The following KCNIP4 variants were observed in gnomAD, a reference collection of about 807,000 sequenced individuals.
The protein encoded by KCNIP4 is Kv channel-interacting protein 4.
A neutral mutation model predicts 34.0 loss-of-function variants in KCNIP4; 12 were observed. That is an observed-to-expected ratio of 0.35 (90% CI 0.23 to 0.57). The LOEUF (loss-of-function observed/expected upper bound fraction) is 0.57. KCNIP4 is among the 20% of genes least tolerant of loss of function. The pLI, the probability that KCNIP4 is intolerant of heterozygous loss-of-function variation, is 0.83. For synonymous variants in KCNIP4, 124 were observed against 102.2 expected (o/e 1.21, Z -1.29); for missense variants, 238 against 311.7 (o/e 0.76, Z 1.78).
intron 1 of KCNIP4, chr4:21,763,137 A>G: frequency 1.6e-6 from 2 of 1,275,776 alleles, no homozygotes; most frequent in South Asian, 2.5e-5. Flanking sequence ...TAATTCCTTC[A>G]CTGTGGTTGA....
intron 1 of KCNIP4, among the ~76,000 whole-genome samples, chr4:21,690,647 T>C (rs113440234): frequency 9.2e-5 from 14 of 152,188 alleles, no homozygotes; most frequent in Non-Finnish European, 1.5e-4. Context: ...GAACCGTATG[T>C]CAAGTAAATA....
At chr4:20,805,128 CA>C (rs561644441) in intron 3 of KCNIP4, among the ~76,000 whole-genome samples, 94 of 144,384 alleles carry the variant, frequency 6.5e-4, no homozygotes, top group Non-Finnish European at 1.1e-3. Flanking sequence ...AGAATGTAGG[CA>C]AAAGGAAGTT....
intron 1 of KCNIP4, among the ~76,000 whole-genome samples, chr4:21,319,795 G>A (rs1002301813): frequency 1.3e-5 from 2 of 151,986 alleles, no homozygotes; most frequent in African/African-American, 4.8e-5. Context: ...AATCCTTTAG[G>A]GTGTGTTTTT....
chr4:21,893,752 A>C (rs1386612100), intron 1 of KCNIP4, among the ~76,000 whole-genome samples: 1 of 152,138 alleles, frequency 6.6e-6, no homozygotes, highest in East Asian at 1.9e-4. Context: ...TATGTAGCCC[A>C]GTTGTGGAGA....
At chr4:21,940,103 G>C (rs1730119961) in intron 1 of KCNIP4, among the ~76,000 whole-genome samples, 3 of 151,942 alleles carry the variant, frequency 2.0e-5, no homozygotes, top group Admixed American at 6.6e-5. Context: ...TTATGAAAAA[G>C]GTACATTTCT....
chr4:21,380,011 C>A (rs1268444464), intron 1 of KCNIP4, among the ~76,000 whole-genome samples: 1 of 152,034 alleles, frequency 6.6e-6, no homozygotes, highest in Non-Finnish European at 1.5e-5. Context: ...GAGGAATTTT[C>A]TTACATATGT....
chr4:21,612,197 A>C (rs574538526), intron 1 of KCNIP4, among the ~76,000 whole-genome samples: 1 of 152,270 alleles, frequency 6.6e-6, no homozygotes, highest in East Asian at 1.9e-4. Flanking sequence ...TTTTAGGCTG[A>C]AATTGGTTGT....
In KCNIP4 at chr4:21,528,820, G is replaced by A. The variant is rs867835032; in HGVS notation, c.61+419751C>T. Reference sequence around the variant, plus strand: ...GGAAGAAAGGAAGGAAGGAAGGAAGGAAGGAAGGAAGGAAGGAAGGAAGGA... The same window carrying A: ...GGAAGAAAGGAAGGAAGGAAGGAAGAAAGGAAGGAAGGAAGGAAGGAAGGA... On this transcript the variant is annotated intron_variant, in intron 1 of 8. Transcript: ENST00000382152. Among the ~76,000 whole-genome samples the A allele has an allele frequency of 2.9e-5, 3 of 102,560 alleles. 1 individual carries two copies. The highest frequency in any genetic ancestry group is 6.5e-5 in the Non-Finnish European group (3 of 46,008). The allele number at this position is 102,560 out of a possible 152,430, so 67.3% of individuals were successfully genotyped here. A position where few individuals can be genotyped will look rare whatever the true frequency, so the allele number is the denominator to read the frequency against.
At position 21,423,665 on chromosome 4, in the gene KCNIP4, AT is replaced by A. The variant is rs534754396; in HGVS notation, c.61+524905del. On this transcript the variant is annotated intron_variant, in intron 1 of 8. Transcript: ENST00000382152. ...CATGTCACAAAGTTCAATCCAACTG[AT>A]TTTTTTTAATTTCACAGAATTTTAA... is the stretch of plus-strand genomic sequence containing the variant. Among the ~76,000 whole-genome samples the A allele has an allele frequency of 3.3e-5, 5 of 152,074 alleles. No individual in the cohort carries two copies. The South Asian group carries it at 6.2e-4, about 19-fold the overall frequency.
intron 1 of KCNIP4, among the ~76,000 whole-genome samples, chr4:21,698,433 T>C (rs1712571677): frequency 6.6e-6 from 1 of 152,180 alleles, no homozygotes; most frequent in Non-Finnish European, 1.5e-5. Context: ...ACCATCTCCC[T>C]ACCAATCAAC....
chr4:21,906,329 T>C (rs1475011690), intron 1 of KCNIP4, among the ~76,000 whole-genome samples: 2 of 152,130 alleles, frequency 1.3e-5, no homozygotes, highest in Non-Finnish European at 2.9e-5. Context: ...AAAGTGTCCT[T>C]GTCTAAGACA....
intron 8 of KCNIP4, chr4:20,731,625 G>T: frequency 1.0e-6 from 1 of 985,188 alleles, no homozygotes; most frequent in Non-Finnish European, 1.2e-6. Flanking sequence ...GCCATACTTG[G>T]CTATCTAGGA....
chr4:21,393,844 A>T (rs1722753792), intron 1 of KCNIP4, among the ~76,000 whole-genome samples: 1 of 152,002 alleles, frequency 6.6e-6, no homozygotes, highest in African/African-American at 2.4e-5. Context: ...GGTAAACTTA[A>T]AAGACACCTT....
intron 3 of KCNIP4, among the ~76,000 whole-genome samples, chr4:20,764,097 C>T (rs1326629178): frequency 6.6e-6 from 1 of 152,076 alleles, no homozygotes; most frequent in Admixed American, 6.6e-5. Flanking sequence ...CTGCAAGCTT[C>T]TACTAACCCT....
At chr4:21,732,353 A>G (rs1190522272) in intron 1 of KCNIP4, among the ~76,000 whole-genome samples, 1 of 152,192 alleles carries the variant, frequency 6.6e-6, no homozygotes, top group South Asian at 2.1e-4. Flanking sequence ...ATTTCAAAGC[A>G]TACTAAGTGA....
intron 5 of KCNIP4, among the ~76,000 whole-genome samples, chr4:20,741,237 G>A (rs1160143986): frequency 1.3e-5 from 2 of 152,148 alleles, no homozygotes; most frequent in African/African-American, 4.8e-5. Flanking sequence ...GACATCTACA[G>A]AACTCTCCAC....
chr4:21,618,630 CTTT>C (rs58967707), intron 1 of KCNIP4, among the ~76,000 whole-genome samples: 24 of 81,782 alleles, frequency 2.9e-4, no homozygotes, highest in East Asian at 3.9e-4. Flanking sequence ...TTTTCTTTTT[CTTT>C]TTTTTTTTTT....
chr4:21,045,523 G>A (rs958984330), intron 1 of KCNIP4, among the ~76,000 whole-genome samples: 1 of 152,056 alleles, frequency 6.6e-6, no homozygotes, highest in Admixed American at 6.5e-5. Context: ...AGCAAAACAG[G>A]TCTCACCCAA....
intron 1 of KCNIP4, among the ~76,000 whole-genome samples, chr4:20,888,312 T>C (rs1279569775): frequency 6.6e-6 from 1 of 152,140 alleles, no homozygotes; most frequent in African/African-American, 2.4e-5. Context: ...GTGCTTAGTA[T>C]ATAAAATGTT....
Sources: gnomAD v4.1 joint callset for allele counts (sites outside exome capture counted in the v4.1 genomes callset) on GRCh38, gnomAD v4.1.1 for gene constraint, MANE v1.5 for transcripts, NCBI Gene and HGNC (gene_info 2026-07-23, HGNC 2026-07-21) for gene names.